The following GPC6 variants were observed in gnomAD, a reference collection of about 807,000 sequenced individuals.
The protein encoded by GPC6 is glypican 6, also known as glypican-6.
Under a neutral mutation model 55.2 loss-of-function variants are expected in GPC6, and 14 were observed. That is an observed-to-expected ratio of 0.25 (90% CI 0.17 to 0.40). GPC6 has a LOEUF of 0.40. Among genes scored for constraint, GPC6 ranks in the 10% least tolerant of loss-of-function variants. The probability of loss-of-function intolerance (pLI) is 1.00; values close to 1 mark genes in which losing one functional copy is unlikely to be tolerated. For synonymous variants in GPC6, 278 were observed against 259.6 expected, an observed-to-expected ratio of 1.07 and a Z score of -0.68; for missense variants, 641 against 708.5, an observed-to-expected ratio of 0.90 and a Z score of 1.08.
At chr13:94,085,568 A>G (rs1302497129) in intron 4 of GPC6, among the ~76,000 whole-genome samples, 1 of 152,118 alleles carries the variant, frequency 6.6e-6, no homozygotes, top group Non-Finnish European at 1.5e-5. Context: ...TGTACACATA[A>G]TAGTATCTTG....
At chr13:94,266,340 T>C (rs536596422) in intron 4 of GPC6, among the ~76,000 whole-genome samples, 1 of 152,226 alleles carries the variant, frequency 6.6e-6, no homozygotes, top group South Asian at 2.1e-4. Flanking sequence ...GGCTAATTTT[T>C]TGTATTTTTA....
chr13:93,681,275 A>G (rs1168297708), intron 2 of GPC6, among the ~76,000 whole-genome samples: 3 of 152,226 alleles, frequency 2.0e-5, no homozygotes, highest in Admixed American at 2.0e-4. Flanking sequence ...TAATTTGCTT[A>G]TAAATATTCT....
chr13:93,666,995 A>G (rs966448080), intron 2 of GPC6, among the ~76,000 whole-genome samples: 1 of 152,128 alleles, frequency 6.6e-6, no homozygotes, highest in Non-Finnish European at 1.5e-5. Context: ...ATTCAAAATA[A>G]CTTTTTTTTT....
intron 6 of GPC6, among the ~76,000 whole-genome samples, chr13:94,336,985 C>T (rs569829976): frequency 1.3e-5 from 2 of 151,984 alleles, no homozygotes; most frequent in East Asian, 1.9e-4. Flanking sequence ...TTATAGAAAC[C>T]CTTCTAACTG....
At chr13:94,150,345 A>G (rs78047933) in intron 4 of GPC6, among the ~76,000 whole-genome samples, 2,112 of 152,050 alleles carry the variant, frequency 0.014, 55 homozygotes, top group African/African-American at 0.048. Context: ...CCACTCTTCA[A>G]TTTGCAGCCA....
chr13:93,458,223 C>T (rs1220020849), intron 1 of GPC6, among the ~76,000 whole-genome samples: 1 of 152,126 alleles, frequency 6.6e-6, no homozygotes, highest in African/African-American at 2.4e-5. Flanking sequence ...GACACAGTTA[C>T]ACAGTAACTT....
At chr13:93,279,797 A>T (rs1877885262) in intron 1 of GPC6, among the ~76,000 whole-genome samples, 1 of 152,176 alleles carries the variant, frequency 6.6e-6, no homozygotes, top group Non-Finnish European at 1.5e-5. Context: ...TTCTTTAGAG[A>T]TTGAAAATAC....
At chr13:93,411,307 C>G (rs987781724) in intron 1 of GPC6, among the ~76,000 whole-genome samples, 1 of 152,156 alleles carries the variant, frequency 6.6e-6, no homozygotes, top group African/African-American at 2.4e-5. Flanking sequence ...ATGTGCCACA[C>G]AGTGTAGTCA....
At chr13:93,605,913 A>G (rs1016097416) in intron 2 of GPC6, among the ~76,000 whole-genome samples, 5 of 151,724 alleles carry the variant, frequency 3.3e-5, no homozygotes, top group Admixed American at 1.3e-4. Flanking sequence ...TTTTGACAAG[A>G]TATTTAACTT....
chr13:94,262,402 G>A (rs1190277100), intron 4 of GPC6, among the ~76,000 whole-genome samples: 1 of 152,050 alleles, frequency 6.6e-6, no homozygotes, highest in Non-Finnish European at 1.5e-5. Flanking sequence ...GCCGGGTGCA[G>A]TGACTCACAC....
chr13:93,801,510 T>G (rs1886368444), intron 2 of GPC6, among the ~76,000 whole-genome samples: 1 of 152,140 alleles, frequency 6.6e-6, no homozygotes, highest in Non-Finnish European at 1.5e-5. Flanking sequence ...AGGATATGCT[T>G]TGTCCTGCTC....
chr13:93,796,662 C>G (rs1158453974), intron 2 of GPC6, among the ~76,000 whole-genome samples: 1 of 152,168 alleles, frequency 6.6e-6, no homozygotes, highest in African/African-American at 2.4e-5. Context: ...CCTCCAGCAA[C>G]CTTTTCTCTC....
chr13:93,622,900 C>T (rs553226794), intron 2 of GPC6, among the ~76,000 whole-genome samples: 1 of 152,140 alleles, frequency 6.6e-6, no homozygotes. Context: ...CAATCTCTCC[C>T]CATTCCCCAC....
chr13:93,308,926 C>T (rs1228198626), intron 1 of GPC6, among the ~76,000 whole-genome samples: 4 of 152,104 alleles, frequency 2.6e-5, no homozygotes, highest in African/African-American at 9.7e-5. Context: ...ATAATTTATC[C>T]TCTTAAACAT....
chr13:93,999,844 G>A (rs2140423581), intron 3 of GPC6, among the ~76,000 whole-genome samples: 1 of 152,290 alleles, frequency 6.6e-6, no homozygotes, highest in South Asian at 2.1e-4. Context: ...CCTGGGGTCT[G>A]AGAAAATAAA....
chr13:93,988,022 T>C (rs892994567), intron 3 of GPC6, among the ~76,000 whole-genome samples: 3 of 152,104 alleles, frequency 2.0e-5, no homozygotes, highest in East Asian at 1.9e-4. Flanking sequence ...ATGACTCTCT[T>C]TGGAGGATCT....
intron 1 of GPC6, among the ~76,000 whole-genome samples, chr13:93,466,957 C>T (rs767766263): frequency 2.0e-5 from 3 of 152,080 alleles, no homozygotes; most frequent in Non-Finnish European, 4.4e-5. Context: ...AAGTATTATC[C>T]TAAATTTACT....
chr13:93,570,776 T>G (rs1358475640), intron 2 of GPC6, among the ~76,000 whole-genome samples: 1 of 152,168 alleles, frequency 6.6e-6, no homozygotes, highest in Non-Finnish European at 1.5e-5. Context: ...TTTTCAGGTA[T>G]GTTTTAAAGC....
At chr13:94,031,134 C>T (rs1050422689) in intron 4 of GPC6, among the ~76,000 whole-genome samples, 8 of 150,472 alleles carry the variant, frequency 5.3e-5, no homozygotes, top group South Asian at 2.1e-4. Flanking sequence ...GTGTGTTCTT[C>T]GAAAAAATCA....
Sources: gnomAD v4.1 joint callset for allele counts (sites outside exome capture counted in the v4.1 genomes callset) on GRCh38, gnomAD v4.1.1 for gene constraint, MANE v1.5 for transcripts, NCBI Gene and HGNC (gene_info 2026-07-23, HGNC 2026-07-21) for gene names.